The following TRIM37 variants were observed in gnomAD, a reference collection of about 807,000 sequenced individuals.
TRIM37 encodes E3 ubiquitin-protein ligase TRIM37.
A neutral mutation model predicts 129.8 loss-of-function variants in TRIM37; 80 were observed. That is an observed-to-expected ratio of 0.62 (90% CI 0.51 to 0.74). The LOEUF (loss-of-function observed/expected upper bound fraction) is 0.74, where lower values mean the gene tolerates loss of function less well. Ranked by LOEUF, TRIM37 falls within the 30% of genes least tolerant of loss-of-function variation. The pLI is 0.00. For synonymous variants in TRIM37, 389 were observed against 387.1 expected, an observed-to-expected ratio of 1.00 and a Z score of -0.06; for missense variants, 1,054 against 1,176.5, an observed-to-expected ratio of 0.90 and a Z score of 1.52.
chr17:58,999,176 C>A lies in TRIM37; in HGVS notation c.*201G>T. ...TTCCTTACATTACAAAGAACTCTTC[C>A]CATACTGTTTTTCCCATGTACTACT... is the stretch of plus-strand genomic sequence containing the variant. On this transcript the variant is annotated 3_prime_UTR_variant, in exon 24 of 24. Coordinates refer to ENST00000262294, the MANE Select transcript of TRIM37 (RefSeq NM_015294.6). 1 of 1,421,518 alleles carries A rather than the reference C, an allele frequency of 7.0e-7. No homozygotes were observed. The allele number at this position is 1,421,518 out of a possible 1,614,324, so 88.1% of individuals were successfully genotyped here.
chr17:59,012,227 G>GCACCAC (rs1555639577), intron 22 of TRIM37, 101 bp downstream of exon 22: 129 of 611,918 alleles, frequency 2.1e-4, no homozygotes, highest in Admixed American at 1.1e-3. Flanking sequence ...AGCAGCAGCA[G>GCACCAC]CACCACCACC....
At chr17:59,052,570 A>C (rs1349970732) in intron 13 of TRIM37, among the ~76,000 whole-genome samples, 1 of 152,164 alleles carries the variant, frequency 6.6e-6, no homozygotes, top group Non-Finnish European at 1.5e-5. Context: ...AGTCCTATTT[A>C]ATGTTGGGAT....
intron 24 of TRIM37, chr17:58,984,610 G>A (rs1228866781): frequency 1.3e-5 from 2 of 152,486 alleles, no homozygotes; most frequent in African/African-American, 2.4e-5. Context: ...TGAAAATCAC[G>A]TGATGTTAAA....
At chr17:59,085,700 T>A (rs2043689262) in intron 4 of TRIM37, among the ~76,000 whole-genome samples, 1 of 152,116 alleles carries the variant, frequency 6.6e-6, no homozygotes. Context: ...TCTGATTACA[T>A]AACCAAAAGA....
intron 13 of TRIM37, among the ~76,000 whole-genome samples, chr17:59,054,292 CTTTT>C (rs1568109162): frequency 6.6e-6 from 1 of 151,944 alleles, no homozygotes; most frequent in Admixed American, 6.6e-5. Flanking sequence ...ACCCAAAAAC[CTTTT>C]TTTGTTTGTT....
the TRIM37 span, among the ~76,000 whole-genome samples, chr17:58,976,504 C>T: frequency 6.6e-6 from 1 of 152,146 alleles, no homozygotes; most frequent in African/African-American, 2.4e-5. Flanking sequence ...CAGCTCTACT[C>T]AGGAAAGAAA....
chr17:59,093,601 G>C (rs1461853564), intron 2 of TRIM37, among the ~76,000 whole-genome samples: 1 of 152,092 alleles, frequency 6.6e-6, no homozygotes, highest in African/African-American at 2.4e-5. Context: ...TTATTTGTTG[G>C]TCTCCTTTGC....
At chr17:58,994,148 G>C (rs949239122), downstream of TRIM37, among the ~76,000 whole-genome samples, 1 of 152,078 alleles carries the variant, frequency 6.6e-6, no homozygotes, top group African/African-American at 2.4e-5. Context: ...ATAAATAAGA[G>C]GGAAGGCCAG....
chr17:59,029,024 T>C (rs1422471420), intron 18 of TRIM37, among the ~76,000 whole-genome samples: 1 of 152,100 alleles, frequency 6.6e-6, no homozygotes, highest in Non-Finnish European at 1.5e-5. Context: ...TCCACTTTTC[T>C]GAAACTTTCT....
At chr17:59,006,476 T>C (rs1014160589) in intron 22 of TRIM37, among the ~76,000 whole-genome samples, 4 of 152,190 alleles carry the variant, frequency 2.6e-5, no homozygotes, top group African/African-American at 9.7e-5. Context: ...ACACTTTATA[T>C]TCTAGTCACC....
At chr17:58,972,036 C>A in the TRIM37 span, 3 of 1,186,092 alleles carry the variant, frequency 2.5e-6, no homozygotes, top group Non-Finnish European at 2.4e-6. Flanking sequence ...AATAGTATAG[C>A]TCCCAGCTGA....
At chr17:59,087,107 T>G (rs931220332) in intron 4 of TRIM37, among the ~76,000 whole-genome samples, 12 of 152,178 alleles carry the variant, frequency 7.9e-5, no homozygotes, top group African/African-American at 2.9e-4. Flanking sequence ...TTGTTTTTGT[T>G]TTTTTGGGAG....
intron 9 of TRIM37, among the ~76,000 whole-genome samples, chr17:59,069,604 C>T (rs1172133658): frequency 6.6e-6 from 1 of 152,090 alleles, no homozygotes; most frequent in African/African-American, 2.4e-5. Flanking sequence ...AGTGGCTTCA[C>T]CCCTCATCAT....
chr17:59,047,613 TGTGA>T, intron 16 of TRIM37, 66 bp downstream of exon 16: 1 of 1,474,694 alleles, frequency 6.8e-7, no homozygotes, highest in South Asian at 1.2e-5. Flanking sequence ...TACATTTAAG[TGTGA>T]GTTAGTTAAT....
intron 19 of TRIM37, among the ~76,000 whole-genome samples, chr17:59,024,214 CAAAAAAAAAAAA>C (rs1237722939): frequency 1.3e-5 from 1 of 74,964 alleles, no homozygotes; most frequent in East Asian, 3.7e-4. Context: ...AATTCCGTAT[CAAAAAAAAAAAA>C]AAAAAAAAAA....
At chr17:59,072,882 C>A (rs902072605) in intron 8 of TRIM37, among the ~76,000 whole-genome samples, 6 of 151,960 alleles carry the variant, frequency 3.9e-5, no homozygotes, top group Non-Finnish European at 8.8e-5. Context: ...CAGCAGAAAA[C>A]AACAAACAGC....
At position 59,067,062 on chromosome 17, in the gene TRIM37, C is replaced by T. The variant is rs556498513; in HGVS notation, c.810-2657G>A. Among the ~76,000 whole-genome samples, 182 of 152,012 alleles carry T rather than the reference C, an allele frequency of 1.2e-3. 1 individual carries two copies. Among genetic ancestry groups the T allele is most frequent in the Non-Finnish European group, 1.9e-3 (130 of 67,982 alleles). ...TATTTATTTATTTATTTTTTTGAGA[C>T]GCAGTCTCGCTCTGTCACACAGGCT... On this transcript the variant is annotated intron_variant, in intron 9 of 23. Transcript: ENST00000262294.
chr17:59,041,664 C>G (rs1478932805), intron 17 of TRIM37, 149 bp downstream of exon 17: 7 of 626,372 alleles, frequency 1.1e-5, no homozygotes, highest in Non-Finnish European at 2.0e-5. Flanking sequence ...TAGTAATAAA[C>G]TCTAAAAAAT....
At chr17:59,045,526 C>T (rs762085761) in intron 16 of TRIM37, among the ~76,000 whole-genome samples, 1 of 150,678 alleles carries the variant, frequency 6.6e-6, no homozygotes, top group Non-Finnish European at 1.5e-5. Flanking sequence ...GTAATCCCAG[C>T]TACTTGGGAG....
Sources: allele counts gnomAD v4.1 joint callset (sites outside exome capture counted in the v4.1 genomes callset), GRCh38; gene constraint gnomAD v4.1.1; transcripts MANE v1.5; gene names NCBI Gene and HGNC (gene_info 2026-07-23, HGNC 2026-07-21).